The following BRCA2 variants were observed in gnomAD, a reference collection of about 807,000 sequenced individuals.
BRCA2 encodes BRCA2 DNA repair associated, also known as breast cancer type 2 susceptibility protein.
Under a neutral mutation model 276.7 loss-of-function variants are expected in BRCA2, and 203 were observed. That is an observed-to-expected ratio of 0.73 (90% CI 0.65 to 0.82). BRCA2 has a LOEUF of 0.82. BRCA2 is among the 40% of genes least tolerant of loss of function. The pLI is 0.00. For synonymous variants in BRCA2, 1,289 were observed against 1,338.4 expected (o/e 0.96, Z 0.81); for missense variants, 3,920 against 3,915.0 (o/e 1.00, Z -0.03).
At chr13:32,386,133 C>T (rs1237541910) in intron 24 of BRCA2, 1 of 159,062 alleles carries the variant, frequency 6.3e-6, no homozygotes, top group Non-Finnish European at 1.4e-5. Context: ...TGACCACTTT[C>T]ATATTTCATT....
rs876658942 is a variant in BRCA2 at position 32,397,016 on chromosome 13, T to A, written c.9620T>A (p.Ile3207Asn). 4 of 1,613,986 alleles carry A rather than the reference T, an allele frequency of 2.5e-6. No homozygotes were observed. In the African/African-American group the frequency reaches 5.3e-5, roughly 22 times the overall value. The change falls in exon 26 of 27, where the codon ATC becomes AAC. Residue 3207 changes from isoleucine to asparagine, a missense_variant. By Grantham distance (149) the Ile-to-Asn change is moderately radical (BLOSUM62 -3). Coordinates refer to ENST00000380152, the MANE Select transcript of BRCA2 (RefSeq NM_000059.4). ...DCTSGPYTAQ[I>N]IPGTGNKLLM... Reference sequence around the variant, plus strand: ...ACTTCAGGGCCGTACACTGCTCAAATCATTCCTGGTACAGGAAACAAGCTT... The same window carrying A: ...ACTTCAGGGCCGTACACTGCTCAAAACATTCCTGGTACAGGAAACAAGCTT...
At position 32,338,391 on chromosome 13, in the gene BRCA2, AC is replaced by A. The variant is rs1162394508; in HGVS notation, c.4037del (p.Thr1346MetfsTer28). 1.0e-5 allele frequency: 16 copies of A among 1,596,582 alleles called. No individual in the cohort carries two copies. Among genetic ancestry groups the A allele is most frequent in the Non-Finnish European group, 1.3e-5 (15 of 1,173,640 alleles). The stretch of plus-strand genomic sequence containing the variant: ...TGGCAGTGATTCAAGTAAAAATGAT[AC>A]TGTTTGTATTCATAAAGATGAAACG... Reference protein sequence around the residue: ...FDGSDSSKNDTVCIHKDETDL... With the variant: ...FDGSDSSKNDXVCIHKDETDL... On this transcript the variant is annotated frameshift_variant, in exon 11 of 27. Coordinates refer to ENST00000380152, the MANE Select transcript of BRCA2 (RefSeq NM_000059.4). LOFTEE classifies it high-confidence loss of function.
intron 9 of BRCA2, 136 bp downstream of exon 9, chr13:32,331,166 C>T: frequency 1.5e-6 from 1 of 669,060 alleles, no homozygotes; most frequent in Non-Finnish European, 2.7e-6. Flanking sequence ...TCAAGCGATC[C>T]TGCCTCAGCT....
chr13:32,340,803 A>G lies in BRCA2; in HGVS notation c.6448A>G (p.Lys2150Glu), dbSNP rs1403648108. The stretch of plus-strand genomic sequence containing the variant: ...TTCTTCAGAAAATAATCACTCTATT[A>G]AAGTTTCTCCATATCTCTCTCAATT... ...GGSSENNHSI[K>E]VSPYLSQFQQ... is the part of the protein sequence containing the mutation. Residue 2150 changes from lysine (K) to glutamate (E), a missense_variant, in exon 11 of 27, where the codon AAA (lysine) becomes GAA (glutamate). Physicochemically the swap from Lys to Glu is moderately conservative, Grantham distance 56. Transcript: ENST00000380152. The G allele has an allele frequency of 1.3e-6, 2 of 1,593,346 alleles. No homozygotes were observed. The highest frequency in any genetic ancestry group is 2.7e-5 in the African/African-American group (2 of 73,576).
intron 12 of BRCA2, 54 bp downstream of exon 12, chr13:32,344,707 ATAT>A: frequency 7.8e-7 from 1 of 1,282,544 alleles, no homozygotes; most frequent in East Asian, 2.4e-5. Context: ...ATGGTATATA[ATAT>A]TCTGACCTCA....
chr13:32,357,187 G>A (rs1248953966), intron 15 of BRCA2, among the ~76,000 whole-genome samples: 1 of 152,202 alleles, frequency 6.6e-6, no homozygotes, highest in Non-Finnish European at 1.5e-5. Context: ...GAGAACTGAA[G>A]CATAGAGAGG....
rs2072290175 is a variant in BRCA2 at position 32,319,310 on chromosome 13, T to C, written c.301T>C (p.Phe101Leu). The C allele has an allele frequency of 6.2e-7, 1 of 1,613,422 alleles. No homozygotes were observed. Residue 101 changes from phenylalanine (F) to leucine (L), a missense_variant, in exon 3 of 27, where the codon TTC becomes CTC. By Grantham distance (22) the Phe-to-Leu change is conservative. Coordinates refer to ENST00000380152, the MANE Select transcript of BRCA2 (RefSeq NM_000059.4). ...ATCTCCTGTAAAAGAATTAGATAAA[T>C]TCAAATTAGACTTAGGTAAGTAATG... ...YQSPVKELDK[F>L]KLDLGRNVPN...
At chr13:32,369,070 A>C (rs1400414606) in intron 18 of BRCA2, among the ~76,000 whole-genome samples, 1 of 151,606 alleles carries the variant, frequency 6.6e-6, no homozygotes, top group Non-Finnish European at 1.5e-5. Flanking sequence ...GGCCTCCCAA[A>C]GTGTTGGGAT....
chr13:32,356,395 T>A (rs375675064), intron 14 of BRCA2, 33 bp from the exon 15 acceptor site: 1 of 1,603,332 alleles, frequency 6.2e-7, no homozygotes, highest in Non-Finnish European at 8.5e-7. Flanking sequence ...TAAATTTCAA[T>A]TTTATTTTTG....
intron 13 of BRCA2, among the ~76,000 whole-genome samples, chr13:32,347,494 C>G (rs1022020108): frequency 2.6e-5 from 4 of 152,070 alleles, no homozygotes; most frequent in African/African-American, 9.7e-5. Flanking sequence ...ATATTTCCTC[C>G]CCCACTGCAA....
chr13:32,380,649 T>C (rs919795788), intron 24 of BRCA2, among the ~76,000 whole-genome samples: 2 of 150,234 alleles, frequency 1.3e-5, no homozygotes, highest in African/African-American at 2.4e-5. Context: ...CACACCATTC[T>C]CCTGCCTCAG....
chr13:32,372,226 C>G (rs2072839245), intron 20 of BRCA2, among the ~76,000 whole-genome samples: 1 of 152,162 alleles, frequency 6.6e-6, no homozygotes. Context: ...ATTCTAAATC[C>G]TTTGTTGTCA....
chr13:32,347,485 T>C (rs1453923484), intron 13 of BRCA2, among the ~76,000 whole-genome samples: 4 of 152,178 alleles, frequency 2.6e-5, no homozygotes, highest in Non-Finnish European at 5.9e-5. Flanking sequence ...GAAACATCTA[T>C]ATTTCCTCCC....
Position 32,339,690 on chromosome 13 carries a change from G to A in BRCA2, c.5335G>A (p.Val1779Ile), listed in dbSNP as rs431825329. The stretch of plus-strand genomic sequence containing the variant: ...TGGTATTGAGCCAGTATTGAAGAAT[G>A]TTGAAGATCAAAAAAACACTAGTTT... Reference protein sequence around the residue: ...DSGIEPVLKNVEDQKNTSFSK... With the variant: ...DSGIEPVLKNIEDQKNTSFSK... The change falls in exon 11 of 27, where the codon GTT becomes ATT. Residue 1779 changes from valine to isoleucine, a missense_variant. Around this residue, in one of 2 missense-constraint regions of BRCA2, gnomAD observed 3,263 missense variants for 3,156.9 expected, o/e 1.03. Transcript: ENST00000380152. The A allele has an allele frequency of 1.1e-5, 17 of 1,612,552 alleles. 1 individual carries two copies. In the South Asian group the frequency reaches 1.8e-4, roughly 17 times the overall value.
At chr13:32,323,247 G>A (rs1036965452) in intron 3 of BRCA2, among the ~76,000 whole-genome samples, 9 of 150,904 alleles carry the variant, frequency 6.0e-5, no homozygotes, top group African/African-American at 2.0e-4. Flanking sequence ...CCGCCTCCCA[G>A]GTTCACGCCA....
chr13:32,392,964 A>G (rs2073007432), intron 24 of BRCA2, among the ~76,000 whole-genome samples: 3 of 152,098 alleles, frequency 2.0e-5, no homozygotes, highest in African/African-American at 7.2e-5. Flanking sequence ...TTTTGAATAG[A>G]CTGATCAATT....
Position 32,337,609 on chromosome 13 carries a change from A to G in BRCA2, c.3254A>G (p.His1085Arg), listed in dbSNP as rs80358570. The change falls in exon 11 of 27, where the codon CAT (histidine) becomes CGT (arginine). Residue 1085 changes from histidine to arginine, a missense_variant. Coordinates refer to ENST00000380152, the MANE Select transcript of BRCA2 (RefSeq NM_000059.4). The stretch of plus-strand genomic sequence containing the variant: ...GTTGTTTCTGATTGTAAAAATAGTC[A>G]TATAACCCCTCAGATGTTATTTTCC... ...SVVVSDCKNS[H>R]ITPQMLFSKQ... The G allele has an allele frequency of 6.3e-6, 10 of 1,593,528 alleles. No individual in the cohort carries two copies. The Admixed American group carries it at 7.1e-5, about 11-fold the overall frequency.
chr13:32,398,631 C>T lies in BRCA2; in HGVS notation c.10118C>T (p.Pro3373Leu), dbSNP rs2137666807. The part of the protein sequence containing the change: ...ISVSESTRTA[P>L]TSSEDYLRLK... Reference sequence around the variant, plus strand: ...GTCAGTGAATCCACTAGGACTGCTCCCACCAGTTCAGAAGATTATCTCAGA... The same window carrying T: ...GTCAGTGAATCCACTAGGACTGCTCTCACCAGTTCAGAAGATTATCTCAGA... The change falls in exon 27 of 27, where the codon CCC (proline) becomes CTC (leucine). Residue 3373 changes from proline to leucine, a missense_variant. Physicochemically the swap from Pro to Leu is moderately conservative, Grantham distance 98. Transcript: ENST00000380152. 1 of 1,614,128 alleles carries T rather than the reference C, an allele frequency of 6.2e-7. No homozygotes were observed. Among genetic ancestry groups the T allele is most frequent in the Non-Finnish European group, 8.5e-7 (1 of 1,180,032 alleles).
In BRCA2 at chr13:32,350,832, C is replaced by T. The variant is rs192573117; in HGVS notation, c.7007+3936C>T. On this transcript the variant is annotated intron_variant, in intron 13 of 26. Coordinates refer to ENST00000380152, the MANE Select transcript of BRCA2 (RefSeq NM_000059.4). ...TACATATACTTTATACTGACTTAGC[C>T]GTAATGTAAATGTTGAACATTGATA... 5.3e-4 allele frequency among the ~76,000 whole-genome samples: 81 copies of T among 152,200 alleles called. 1 individual carries two copies. The highest frequency in any genetic ancestry group is 1.9e-3 in the African/African-American group (77 of 41,552).
Sources: allele counts gnomAD v4.1 joint callset (sites outside exome capture counted in the v4.1 genomes callset), GRCh38; gene constraint gnomAD v4.1.1; regional missense constraint gnomAD v4.1.1; transcripts MANE v1.5; gene names NCBI Gene and HGNC (gene_info 2026-07-23, HGNC 2026-07-21).